The following SFMBT1 variants were observed in gnomAD, a reference collection of about 807,000 sequenced individuals.
The protein encoded by SFMBT1 is Scm like with four mbt domains 1.
In SFMBT1, 32 loss-of-function variants were observed where a neutral mutation model predicts 108.7. That is an observed-to-expected ratio of 0.29 (90% CI 0.22 to 0.40). The LOEUF (loss-of-function observed/expected upper bound fraction) is 0.40. Among genes scored for constraint, SFMBT1 ranks in the 10% least tolerant of loss-of-function variants. The pLI, the probability that SFMBT1 is intolerant of heterozygous loss-of-function variation, is 1.00. For missense variants in SFMBT1, 816 were observed against 1,059.6 expected (o/e 0.77, Z 3.19); for synonymous variants, 348 against 369.5 (o/e 0.94, Z 0.67).
intron 1 of SFMBT1, among the ~76,000 whole-genome samples, chr3:53,041,873 C>T (rs1340342706): frequency 6.6e-6 from 1 of 152,038 alleles, no homozygotes; most frequent in Non-Finnish European, 1.5e-5. Flanking sequence ...TATGTATATA[C>T]AGAAATATTA....
At chr3:52,973,632 T>C (rs1267437775) in intron 1 of SFMBT1, among the ~76,000 whole-genome samples, 2 of 152,184 alleles carry the variant, frequency 1.3e-5, no homozygotes, top group African/African-American at 4.8e-5. Flanking sequence ...TCCCCTCCCA[T>C]CTTGGTGGGG....
chr3:52,978,537 C>T (rs1201772040), intron 1 of SFMBT1, among the ~76,000 whole-genome samples: 1 of 152,108 alleles, frequency 6.6e-6, no homozygotes, highest in Non-Finnish European at 1.5e-5. Context: ...ATGATGCAAC[C>T]ACCTGGGAAA....
chr3:52,912,554 C>T lies in SFMBT1; in HGVS notation c.1714G>A (p.Glu572Lys). The T allele has an allele frequency of 6.2e-7, 1 of 1,614,022 alleles. No homozygotes were observed. The highest frequency in any genetic ancestry group is 8.5e-7 in the Non-Finnish European group (1 of 1,179,922). ...TCCACTCACTTGGCTTTTAGGACTTCCCCACATCCGTGCCACACAGAGTCT... is the reference window on the plus strand; with the variant it reads ...TCCACTCACTTGGCTTTTAGGACTTTCCCACATCCGTGCCACACAGAGTCT... ...DKDSVWHGCG[E>K]VLKAKYKGKS... Residue 572 changes from glutamate to lysine, a missense_variant, in exon 16 of 21, where the codon GAA becomes AAA. Glu to Lys is a moderately conservative substitution (Grantham distance 56). Around this residue, in one of 5 missense-constraint regions of SFMBT1, gnomAD observed 79 missense variants for 120.8 expected, o/e 0.65. Coordinates refer to ENST00000394752, the MANE Select transcript of SFMBT1 (RefSeq NM_016329.4).
intron 14 of SFMBT1, among the ~76,000 whole-genome samples, chr3:52,915,544 C>T (rs1702324440): frequency 6.6e-6 from 1 of 152,178 alleles, no homozygotes; most frequent in Non-Finnish European, 1.5e-5. Flanking sequence ...TACTAAATAT[C>T]ACCCAAATGC....
chr3:52,926,284 T>A (rs574802948), intron 9 of SFMBT1, among the ~76,000 whole-genome samples, 171 bp from the exon 10 acceptor site: 2 of 152,358 alleles, frequency 1.3e-5, no homozygotes, highest in African/African-American at 4.8e-5. Flanking sequence ...GTTAATTTTA[T>A]AAAATAGAGC....
intron 4 of SFMBT1, among the ~76,000 whole-genome samples, chr3:52,941,637 T>C (rs1174441662): frequency 7.1e-6 from 1 of 141,450 alleles, no homozygotes; most frequent in Non-Finnish European, 1.5e-5. Context: ...CCAGGTGTGG[T>C]GGTTCATGCC....
At chr3:53,010,431 C>A (rs1035847681) in intron 1 of SFMBT1, among the ~76,000 whole-genome samples, 2 of 152,198 alleles carry the variant, frequency 1.3e-5, no homozygotes, top group Non-Finnish European at 2.9e-5. Context: ...GCACATGGGT[C>A]CTGACTGAAC....
chr3:52,916,610 A>C (rs1374311755), intron 13 of SFMBT1, among the ~76,000 whole-genome samples: 1 of 151,674 alleles, frequency 6.6e-6, no homozygotes, highest in Non-Finnish European at 1.5e-5. Flanking sequence ...CAGAGCTTGC[A>C]GTGAGCCGAG....
chr3:53,000,346 A>C (rs72965343), intron 1 of SFMBT1, among the ~76,000 whole-genome samples: 7,504 of 148,912 alleles, frequency 0.05, 733 homozygotes, highest in African/African-American at 0.17. Flanking sequence ...AACAAAGAGG[A>C]CTTAATGTCT....
At chr3:52,979,003 G>T (rs773977208) in intron 1 of SFMBT1, among the ~76,000 whole-genome samples, 22 of 152,082 alleles carry the variant, frequency 1.4e-4, no homozygotes, top group Non-Finnish European at 2.9e-4. Flanking sequence ...GCTTTTGGGG[G>T]TATTAAAACA....
At chr3:52,972,723 G>A (rs2106864971) in intron 1 of SFMBT1, among the ~76,000 whole-genome samples, 1 of 147,520 alleles carries the variant, frequency 6.8e-6, no homozygotes, top group South Asian at 2.2e-4. Flanking sequence ...TGGCCAACGT[G>A]GTAAAACCCC....
At chr3:52,983,889 A>G (rs934378748) in intron 1 of SFMBT1, among the ~76,000 whole-genome samples, 11 of 152,194 alleles carry the variant, frequency 7.2e-5, no homozygotes, top group Admixed American at 6.6e-5. Flanking sequence ...CAGAGGAGGA[A>G]CATAATTTGA....
chr3:52,949,394 C>T (rs1294119159), intron 3 of SFMBT1, among the ~76,000 whole-genome samples: 1 of 152,006 alleles, frequency 6.6e-6, no homozygotes, highest in African/African-American at 2.4e-5. Context: ...TGTCCATTTT[C>T]GATAGGAGGG....
In SFMBT1 at chr3:53,000,029, A is replaced by AT. The variant is rs1323778618; in HGVS notation, c.-130-30772dup. ...ATGTGCCACCACATCAGCCCGGCTA[A>AT]TTTTTTGTATTTTTAGTAGAGACAG... is the stretch of plus-strand genomic sequence containing the variant. On this transcript the variant is annotated intron_variant, in intron 1 of 20. Coordinates refer to ENST00000394752, the MANE Select transcript of SFMBT1 (RefSeq NM_016329.4). Among the ~76,000 whole-genome samples, 3 of 149,608 alleles carry AT rather than the reference A, an allele frequency of 2.0e-5. 1 individual carries two copies. The highest frequency in any genetic ancestry group is 3.0e-5 in the Non-Finnish European group (2 of 66,810).
At chr3:52,910,677 C>T (rs539082899) in intron 17 of SFMBT1, among the ~76,000 whole-genome samples, 45 of 152,098 alleles carry the variant, frequency 3.0e-4, no homozygotes, top group Non-Finnish European at 5.6e-4. Context: ...TTAGTAGAGA[C>T]GGGGTTTCAC....
At chr3:53,031,630 AT>A (rs1334971006) in intron 1 of SFMBT1, among the ~76,000 whole-genome samples, 3 of 152,200 alleles carry the variant, frequency 2.0e-5, no homozygotes, top group African/African-American at 7.2e-5. Context: ...TAGGAAAAAA[AT>A]ATTTCTTAAT....
chr3:52,956,449 G>A (rs1703787155), intron 2 of SFMBT1, among the ~76,000 whole-genome samples: 1 of 151,826 alleles, frequency 6.6e-6, no homozygotes, highest in Admixed American at 6.6e-5. Flanking sequence ...ATGGAGCGAG[G>A]CACTGTCTCA....
At position 52,913,477 on chromosome 3, in the gene SFMBT1, C is replaced by T. The variant is rs1702264666; in HGVS notation, c.1620+1G>A. On this transcript the variant is annotated splice_donor_variant, in intron 15 of 20. Coordinates refer to ENST00000394752, the MANE Select transcript of SFMBT1 (RefSeq NM_016329.4). LOFTEE classifies it high-confidence loss of function. ...TATTTTGCTCTAGGCCAGAACCTTA[C>T]CTCTCTAAGGACCAGAACACAGTTC... is the stretch of plus-strand genomic sequence containing the variant. 1.2e-6 allele frequency: 2 copies of T among 1,611,540 alleles called. No homozygotes were observed. The highest frequency in any genetic ancestry group is 1.7e-6 in the Non-Finnish European group (2 of 1,179,342).
chr3:52,932,612 A>G (rs566020682), intron 5 of SFMBT1, among the ~76,000 whole-genome samples: 25 of 152,298 alleles, frequency 1.6e-4, no homozygotes, highest in African/African-American at 6.0e-4. Context: ...TTCCTCATCT[A>G]TTATAAAACA....
Sources: gnomAD v4.1 joint callset for allele counts (sites outside exome capture counted in the v4.1 genomes callset) on GRCh38, gnomAD v4.1.1 for gene constraint, gnomAD v4.1.1 regional missense constraint, MANE v1.5 for transcripts, NCBI Gene and HGNC (gene_info 2026-07-23, HGNC 2026-07-21) for gene names.